MAN1C1: variants seen among roughly 807,000 people sequenced by gnomAD.
MAN1C1 encodes mannosyl-oligosaccharide 1,2-alpha-mannosidase IC.
In MAN1C1, 49 loss-of-function variants were observed where a neutral mutation model predicts 71.5. That is an observed-to-expected ratio of 0.69 (90% confidence interval 0.54 to 0.87). MAN1C1 has a LOEUF of 0.87. Ranked by LOEUF, MAN1C1 falls within the 40% of genes least tolerant of loss-of-function variation. The pLI, the probability that MAN1C1 is intolerant of heterozygous loss-of-function variation, is 0.00. For missense variants in MAN1C1, 743 were observed against 835.0 expected, an observed-to-expected ratio of 0.89 and a Z score of 1.36; for synonymous variants, 352 against 343.7, an observed-to-expected ratio of 1.02 and a Z score of -0.27.
chr1:25,670,707 G>A (rs1297304513), intron 1 of MAN1C1, among the ~76,000 whole-genome samples: 1 of 152,198 alleles, frequency 6.6e-6, no homozygotes, highest in Non-Finnish European at 1.5e-5. Flanking sequence ...TTCTGAATCA[G>A]CCAGACCCCA....
chr1:25,736,039 G>A (rs2046978613), intron 2 of MAN1C1, among the ~76,000 whole-genome samples: 2 of 152,190 alleles, frequency 1.3e-5, no homozygotes, highest in African/African-American at 4.8e-5. Flanking sequence ...GGCAAGTAGA[G>A]GCCAGAGTGT....
intron 1 of MAN1C1, among the ~76,000 whole-genome samples, chr1:25,626,113 G>C (rs116392283): frequency 1.5e-3 from 235 of 152,286 alleles, no homozygotes; most frequent in African/African-American, 5.4e-3. Flanking sequence ...ACTAGGGGTG[G>C]AATTACTGGC....
At chr1:25,724,871 G>A (rs2046812710) in intron 2 of MAN1C1, among the ~76,000 whole-genome samples, 1 of 152,164 alleles carries the variant, frequency 6.6e-6, no homozygotes. Context: ...AATCAGACAT[G>A]ATCTCTCTGA....
intron 1 of MAN1C1, among the ~76,000 whole-genome samples, chr1:25,672,892 G>T (rs1259739474): frequency 6.6e-6 from 1 of 152,162 alleles, no homozygotes; most frequent in African/African-American, 2.4e-5. Context: ...CCATGGGGCT[G>T]GCGGTTGGAG....
chr1:25,660,396 C>CTTTT (rs1178878513), intron 1 of MAN1C1, among the ~76,000 whole-genome samples: 5 of 97,598 alleles, frequency 5.1e-5, no homozygotes, highest in Non-Finnish European at 9.7e-5. Flanking sequence ...AGTGAAATTC[C>CTTTT]TTTTTTTTTT....
chr1:25,691,939 T>C (rs2046314963), intron 2 of MAN1C1, among the ~76,000 whole-genome samples: 1 of 152,232 alleles, frequency 6.6e-6, no homozygotes, highest in African/African-American at 2.4e-5. Context: ...TAAATCTGTG[T>C]AGTCCGTGAG....
At chr1:25,675,019 C>T (rs774816182) in intron 1 of MAN1C1, among the ~76,000 whole-genome samples, 1 of 152,070 alleles carries the variant, frequency 6.6e-6, no homozygotes, top group Non-Finnish European at 1.5e-5. Context: ...TGGAGAGATA[C>T]TTCTCTTTTA....
At chr1:25,760,867 C>G (rs1226614945) in intron 6 of MAN1C1, 2 of 152,222 alleles carry the variant, frequency 1.3e-5, no homozygotes, top group African/African-American at 4.8e-5. Flanking sequence ...ATAAAGCCCT[C>G]TTGAATTCCA....
chr1:25,629,223 G>A (rs891356016), intron 1 of MAN1C1, among the ~76,000 whole-genome samples: 2 of 152,184 alleles, frequency 1.3e-5, no homozygotes, highest in African/African-American at 4.8e-5. Flanking sequence ...CAGTGTATGA[G>A]TGTTCCCTTT....
In MAN1C1 at chr1:25,769,960, C is replaced by A. The variant is rs994802668; in HGVS notation, c.1142-1697C>A. Among the ~76,000 whole-genome samples the A allele has an allele frequency of 6.6e-6, 1 of 152,114 alleles. No individual in the cohort carries two copies. The highest frequency in any genetic ancestry group is 1.5e-5 in the Non-Finnish European group (1 of 68,004). On this transcript the variant is annotated intron_variant, in intron 7 of 11. Coordinates refer to ENST00000374332, the MANE Select transcript of MAN1C1 (RefSeq NM_020379.4). The surrounding 1 kb of genome is among the most constrained non-coding windows in gnomAD (Gnocchi z 4.8). ...GCTTGTGAGAATGCCTGAGCCCCCG[C>A]GTGGGGAATGAGGTGGGGAGGGTGC...
chr1:25,650,149 G>GTGTGGGTCTCCACTTAC (rs1553183137), intron 1 of MAN1C1, among the ~76,000 whole-genome samples: 1 of 152,234 alleles, frequency 6.6e-6, no homozygotes, highest in Non-Finnish European at 1.5e-5. Context: ...TGACTGGGGC[G>GTGTGGGTCTCCACTTAC]TGTGGGTCTC....
intron 1 of MAN1C1, chr1:25,646,433 T>G (rs979721338): frequency 4.6e-5 from 7 of 152,262 alleles, no homozygotes; most frequent in African/African-American, 1.7e-4. Flanking sequence ...TTTAAAAAAT[T>G]GTGGTAAAAT....
At position 25,782,535 on chromosome 1, in the gene MAN1C1, T is replaced by TTC; in HGVS notation, c.1651-49_1651-48dup. On this transcript the variant is annotated intron_variant, in intron 10 of 11. Transcript: ENST00000374332. The surrounding 1 kb of genome is among the most constrained non-coding windows in gnomAD (Gnocchi z 4.4). ...GGCATGCACAAGTCTTGAGGGGCCT[T>TTC]TCCTGTCCCGTGTTAAGGCTGTTTT... 3 of 1,332,948 alleles carry TTC rather than the reference T, an allele frequency of 2.3e-6. No homozygotes were observed. Among genetic ancestry groups the TTC allele is most frequent in the Non-Finnish European group, 3.2e-6 (3 of 924,924 alleles). 82.6% of individuals were successfully genotyped at this position (1,332,948 alleles called of 1,614,324 possible).
chr1:25,763,486 C>CAAAAAAA (rs60144894), intron 6 of MAN1C1, among the ~76,000 whole-genome samples: 2 of 87,626 alleles, frequency 2.3e-5, no homozygotes, highest in Non-Finnish European at 4.4e-5. Context: ...GAGACTGTCT[C>CAAAAAAA]AAAAAAAAAA....
At chr1:25,685,602 T>C (rs2046218933) in intron 1 of MAN1C1, among the ~76,000 whole-genome samples, 1 of 152,248 alleles carries the variant, frequency 6.6e-6, no homozygotes, top group Non-Finnish European at 1.5e-5. Flanking sequence ...GTGACGCTCC[T>C]GAGAGCTGAT....
chr1:25,659,589 T>C (rs1164094390), intron 1 of MAN1C1, among the ~76,000 whole-genome samples: 2 of 152,176 alleles, frequency 1.3e-5, no homozygotes, highest in Non-Finnish European at 2.9e-5. Flanking sequence ...GTACAAACAT[T>C]GATGTAGCTT....
intron 1 of MAN1C1, among the ~76,000 whole-genome samples, chr1:25,684,004 C>T (rs999959993): frequency 6.6e-6 from 1 of 152,176 alleles, no homozygotes; most frequent in African/African-American, 2.4e-5. Context: ...CCTCACATTC[C>T]TGCAGTGACA....
At chr1:25,618,406 C>T in intron 1 of MAN1C1, 69 bp downstream of exon 1, 1 of 1,451,214 alleles carries the variant, frequency 6.9e-7, no homozygotes, top group Non-Finnish European at 9.3e-7. Context: ...CTCTGGCGCT[C>T]CCACCCCTTT....
intron 1 of MAN1C1, among the ~76,000 whole-genome samples, chr1:25,658,427 A>G (rs116038931): frequency 2.9e-3 from 447 of 152,296 alleles, no homozygotes; most frequent in African/African-American, 0.01. Context: ...GAATGAGCCT[A>G]GTAAGGAGAC....
Sources: allele counts gnomAD v4.1 joint callset (sites outside exome capture counted in the v4.1 genomes callset), GRCh38; gene constraint gnomAD v4.1.1; non-coding constraint Gnocchi (gnomAD v3.1); transcripts MANE v1.5; gene names NCBI Gene and HGNC (gene_info 2026-07-23, HGNC 2026-07-21).